Variants in CUX2 observed in about 807,000 individuals in gnomAD.
CUX2 encodes cut like homeobox 2.
A neutral mutation model predicts 144.8 loss-of-function variants in CUX2; 40 were observed. The observed-to-expected ratio is 0.28, with a 90% CI of 0.21 to 0.36. CUX2 has a LOEUF of 0.36. CUX2 is among the 10% of genes least tolerant of loss of function. CUX2 has a pLI of 1.00. For synonymous variants in CUX2, 827 were observed against 875.6 expected (o/e 0.94, Z 0.98); for missense variants, 1,615 against 1,994.0 (o/e 0.81, Z 3.62).
At position 111,263,368 on chromosome 12, in the gene CUX2, G is replaced by C. The variant is rs1254977611; in HGVS notation, c.223-393G>C. 1.3e-5 allele frequency among the ~76,000 whole-genome samples: 2 copies of C among 152,210 alleles called. No homozygotes were observed. The highest frequency in any genetic ancestry group is 2.9e-5 in the Non-Finnish European group (2 of 68,044). On this transcript the variant is annotated intron_variant, in intron 3 of 21. Coordinates refer to ENST00000261726, the MANE Select transcript of CUX2 (RefSeq NM_015267.4). The surrounding 1 kb of genome is among the most constrained non-coding windows in gnomAD (Gnocchi z 4.0). Reference sequence around the variant, plus strand: ...TGCCTGTAATCCCAGAACTTTGGGAGGCCAAGGTGGGCAGATAACCTGAGG... The same window carrying C: ...TGCCTGTAATCCCAGAACTTTGGGACGCCAAGGTGGGCAGATAACCTGAGG...
chr12:111,047,989 C>G (rs1006437757), intron 1 of CUX2, among the ~76,000 whole-genome samples: 1 of 152,098 alleles, frequency 6.6e-6, no homozygotes, highest in African/African-American at 2.4e-5. Context: ...TGTGCAAAGG[C>G]CCTGAGGTGG....
chr12:111,102,263 T>C (rs928527516), intron 1 of CUX2, among the ~76,000 whole-genome samples: 5 of 152,150 alleles, frequency 3.3e-5, no homozygotes, highest in Non-Finnish European at 5.9e-5. Flanking sequence ...GGGACTCAGG[T>C]TAAATCACCC....
chr12:111,069,309 T>C (rs1475943106), intron 1 of CUX2, among the ~76,000 whole-genome samples: 1 of 152,180 alleles, frequency 6.6e-6, no homozygotes, highest in Non-Finnish European at 1.5e-5. Context: ...TCTCAGCCCA[T>C]GTGCTGCCAT....
In CUX2 at chr12:111,169,741, T is replaced by C. The variant is rs1878395964; in HGVS notation, c.64-44459T>C. ...CCCCCTCTGGTATCTAATAGCGCTT[T>C]TGGATTTAGAACAGAATATTATTTA... On this transcript the variant is annotated intron_variant, in intron 1 of 21. Coordinates refer to ENST00000261726, the MANE Select transcript of CUX2 (RefSeq NM_015267.4). Among the ~76,000 whole-genome samples the C allele has an allele frequency of 2.0e-5, 3 of 152,306 alleles. No individual in the cohort carries two copies. In the South Asian group the frequency reaches 6.2e-4, roughly 32 times the overall value.
chr12:111,247,207 C>T (rs779349497), intron 3 of CUX2, among the ~76,000 whole-genome samples: 2 of 152,106 alleles, frequency 1.3e-5, no homozygotes, highest in Non-Finnish European at 2.9e-5. Flanking sequence ...GAGCACCGCA[C>T]GTGGAAAGTT....
chr12:111,266,122 G>A (rs1884372178), intron 4 of CUX2, among the ~76,000 whole-genome samples: 1 of 152,114 alleles, frequency 6.6e-6, no homozygotes, highest in African/African-American at 2.4e-5. Context: ...ATTAGCTAAG[G>A]ATCTCAAGAT....
Position 111,263,259 on chromosome 12 carries a change from C to T in CUX2, c.223-502C>T, listed in dbSNP as rs571793769. Among the ~76,000 whole-genome samples, 2 of 152,094 alleles carry T rather than the reference C, an allele frequency of 1.3e-5. No homozygotes were observed. The highest frequency in any genetic ancestry group is 4.8e-5 in the African/African-American group (2 of 41,492). ...CCGAGGCAGGGGAATCGCAGGAGGTCGAGACAAGCCTGGGCAACCTGTAGC... is the reference window on the plus strand; with the variant it reads ...CCGAGGCAGGGGAATCGCAGGAGGTTGAGACAAGCCTGGGCAACCTGTAGC... On this transcript the variant is annotated intron_variant, in intron 3 of 21. Coordinates refer to ENST00000261726, the MANE Select transcript of CUX2 (RefSeq NM_015267.4). The surrounding 1 kb of genome is among the most constrained non-coding windows in gnomAD (Gnocchi z 4.0).
At chr12:111,325,150 C>T (rs1382071565) in intron 18 of CUX2, among the ~76,000 whole-genome samples, 14 of 151,604 alleles carry the variant, frequency 9.2e-5, no homozygotes, top group African/African-American at 3.2e-4. Flanking sequence ...AAAAATTATC[C>T]GGGCGTGGTG....
Position 111,334,477 on chromosome 12 carries a change from C to A in CUX2, c.2963C>A (p.Pro988His). The change falls in exon 19 of 22, where the codon CCC becomes CAC. Residue 988 changes from proline (P) to histidine (H), a missense_variant. Around this residue, in one of 12 missense-constraint regions of CUX2, gnomAD observed 128 missense variants for 124.4 expected, o/e 1.03. Transcript: ENST00000261726. ...GAACCAAGGTCCTCACCATCCCCAC[C>A]CCCCAGCCCCACAGAGCCTGAGAAG... ...PTEPRSSPSPPPSPTEPEKSS... is the reference protein window; with the variant it reads ...PTEPRSSPSPHPSPTEPEKSS... The A allele has an allele frequency of 6.2e-7, 1 of 1,607,674 alleles. No individual in the cohort carries two copies. The highest frequency in any genetic ancestry group is 8.5e-7 in the Non-Finnish European group (1 of 1,176,852).
At chr12:111,260,930 T>A (rs1884090552) in intron 3 of CUX2, among the ~76,000 whole-genome samples, 1 of 152,220 alleles carries the variant, frequency 6.6e-6, no homozygotes, top group South Asian at 2.1e-4. Flanking sequence ...TTGATAATTC[T>A]CCTTCTAAGA....
At chr12:111,333,037 G>A (rs1022996654) in intron 18 of CUX2, among the ~76,000 whole-genome samples, 8 of 152,018 alleles carry the variant, frequency 5.3e-5, no homozygotes, top group Non-Finnish European at 1.2e-4. Context: ...GTGGAACCCC[G>A]TCTCTACTAA....
chr12:111,273,618 C>T (rs963239753), intron 4 of CUX2, among the ~76,000 whole-genome samples: 1 of 152,186 alleles, frequency 6.6e-6, no homozygotes, highest in African/African-American at 2.4e-5. Context: ...TGCTGAAATG[C>T]AGATGTGTGC....
At chr12:111,225,821 C>T (rs565557033) in intron 3 of CUX2, among the ~76,000 whole-genome samples, 9 of 152,334 alleles carry the variant, frequency 5.9e-5, no homozygotes, top group Admixed American at 3.9e-4. Context: ...AGCTGTGATT[C>T]GAGCCCAAGT....
intron 16 of CUX2, among the ~76,000 whole-genome samples, chr12:111,317,459 C>G (rs1000082180): frequency 6.6e-6 from 1 of 152,030 alleles, no homozygotes; most frequent in Non-Finnish European, 1.5e-5. Flanking sequence ...TTCATTCATT[C>G]GTTCACTCAT....
At chr12:111,214,434 GA>G in intron 2 of CUX2, 124 bp downstream of exon 2, 1 of 593,548 alleles carries the variant, frequency 1.7e-6, no homozygotes, top group Non-Finnish European at 2.9e-6. Flanking sequence ...TAGCCACAAA[GA>G]AAAATGACAG....
chr12:111,100,788 T>C (rs555484155), intron 1 of CUX2, among the ~76,000 whole-genome samples: 3 of 152,312 alleles, frequency 2.0e-5, no homozygotes, highest in South Asian at 4.1e-4. Context: ...AGCACCTGTG[T>C]GAGTATGTAT....
At chr12:111,284,385 A>G (rs1010306006) in intron 4 of CUX2, among the ~76,000 whole-genome samples, 1 of 152,242 alleles carries the variant, frequency 6.6e-6, no homozygotes, top group Non-Finnish European at 1.5e-5. Context: ...CAGGGCCCTC[A>G]TGCTCCGTCT....
intron 4 of CUX2, among the ~76,000 whole-genome samples, chr12:111,283,563 C>T (rs535999015): frequency 2.0e-5 from 3 of 152,254 alleles, no homozygotes; most frequent in African/African-American, 7.2e-5. Context: ...AACCCCATGC[C>T]GTAGGTCCTT....
At chr12:111,136,263 G>A (rs2136116728) in intron 1 of CUX2, among the ~76,000 whole-genome samples, 1 of 152,222 alleles carries the variant, frequency 6.6e-6, no homozygotes, top group South Asian at 2.1e-4. Flanking sequence ...TAAAGATGGA[G>A]CCAACAAGAC....
Sources: allele counts gnomAD v4.1 joint callset (sites outside exome capture counted in the v4.1 genomes callset), GRCh38; gene constraint gnomAD v4.1.1; regional missense constraint gnomAD v4.1.1; non-coding constraint Gnocchi (gnomAD v3.1); transcripts MANE v1.5; gene names NCBI Gene and HGNC (gene_info 2026-07-23, HGNC 2026-07-21).